The following ZNF516 variants were observed in gnomAD, a reference collection of about 807,000 sequenced individuals.
ZNF516 encodes the protein zinc finger protein 516.
ZNF516 carries 19 observed loss-of-function variants against 79.7 expected under a neutral mutation model. The ratio of observed to expected loss-of-function variants is 0.24; its 90% CI spans 0.17 to 0.35. The LOEUF (loss-of-function observed/expected upper bound fraction) is 0.35, where lower values mean the gene tolerates loss of function less well. Ranked by LOEUF, ZNF516 falls within the 10% of genes least tolerant of loss-of-function variation. The pLI is 1.00. For synonymous variants in ZNF516, 877 were observed against 739.5 expected (o/e 1.19, Z -3.02); for missense variants, 1,678 against 1,679.5 (o/e 1.00, Z 0.02).
chr18:76,490,291 G>C (rs1012555174), intron 1 of ZNF516: 6 of 686,572 alleles, frequency 8.7e-6, no homozygotes, highest in African/African-American at 1.9e-5. Context: ...TTTACTAAGG[G>C]GGGGCGAGGG....
intron 1 of ZNF516, among the ~76,000 whole-genome samples, chr18:76,479,698 G>A (rs1914387336): frequency 6.6e-6 from 1 of 152,250 alleles, no homozygotes; most frequent in Non-Finnish European, 1.5e-5. Flanking sequence ...CTGGGTGCAG[G>A]GAACATGGGA....
chr18:76,392,110 C>T (rs139471265), intron 3 of ZNF516, among the ~76,000 whole-genome samples: 5 of 152,336 alleles, frequency 3.3e-5, no homozygotes, highest in East Asian at 1.9e-4. Context: ...AGCGCAGACT[C>T]GGCCACTGGA....
intron 3 of ZNF516, among the ~76,000 whole-genome samples, chr18:76,431,685 T>TC (rs1307669872): frequency 1.3e-5 from 2 of 152,126 alleles, no homozygotes; most frequent in Non-Finnish European, 2.9e-5. Context: ...CGTGGCACCT[T>TC]CCCTTCTCTC....
At chr18:76,363,603 A>G (rs183503960) in intron 6 of ZNF516, among the ~76,000 whole-genome samples, 220 of 152,354 alleles carry the variant, frequency 1.4e-3, no homozygotes, top group African/African-American at 5.0e-3. Context: ...TGTAGGAAAC[A>G]GTAATGGAAT....
At chr18:76,455,515 A>G (rs1235015712) in intron 2 of ZNF516, among the ~76,000 whole-genome samples, 1 of 152,212 alleles carries the variant, frequency 6.6e-6, no homozygotes, top group Non-Finnish European at 1.5e-5. Context: ...AGGCCCACCT[A>G]GGCCTCCCTG....
At chr18:76,471,204 G>A (rs192079164) in intron 1 of ZNF516, among the ~76,000 whole-genome samples, 16 of 151,324 alleles carry the variant, frequency 1.1e-4, no homozygotes, top group African/African-American at 3.6e-4. Context: ...TGGCATATCC[G>A]TTCAGATGAT....
intron 3 of ZNF516, among the ~76,000 whole-genome samples, chr18:76,415,065 G>A (rs889518025): frequency 6.6e-6 from 1 of 152,150 alleles, no homozygotes; most frequent in South Asian, 2.1e-4. Flanking sequence ...AAGTGTAGTG[G>A]TACATGCCTG....
intron 3 of ZNF516, among the ~76,000 whole-genome samples, chr18:76,405,446 C>T (rs530876086): frequency 3.3e-5 from 5 of 152,240 alleles, no homozygotes; most frequent in Middle Eastern, 6.8e-3. Flanking sequence ...GCGTGGGCAA[C>T]GGCAGGAGAC....
intron 3 of ZNF516, among the ~76,000 whole-genome samples, chr18:76,384,873 G>A (rs746794831): frequency 2.0e-5 from 3 of 152,192 alleles, no homozygotes; most frequent in Non-Finnish European, 2.9e-5. Flanking sequence ...GAAAGAGAAC[G>A]GTGCTGATTT....
intron 3 of ZNF516, among the ~76,000 whole-genome samples, chr18:76,429,236 G>A (rs1047180205): frequency 7.9e-5 from 12 of 152,334 alleles, no homozygotes; most frequent in African/African-American, 2.9e-4. Context: ...AAGGGCCTGA[G>A]GGTCCCAGGA....
Position 76,452,171 on chromosome 18 carries a change from G to A in ZNF516, c.-157-8960C>T, listed in dbSNP as rs187463436. On this transcript the variant is annotated intron_variant, in intron 2 of 6. Transcript: ENST00000443185. ...AACGCCACTATCCCAGGGAGCAGCC[G>A]CCAGCAGCAACGCGGCCCCCTGACC... Among the ~76,000 whole-genome samples the A allele has an allele frequency of 1.5e-4, 23 of 152,320 alleles. No homozygotes were observed. The South Asian group carries it at 2.1e-3, about 14-fold the overall frequency.
intron 2 of ZNF516, among the ~76,000 whole-genome samples, chr18:76,448,223 G>A (rs1912179804): frequency 6.6e-6 from 1 of 151,936 alleles, no homozygotes; most frequent in Non-Finnish European, 1.5e-5. Context: ...CCATACCTTT[G>A]GATATTTTTC....
chr18:76,370,414 A>T, intron 6 of ZNF516, 114 bp downstream of exon 6: 1 of 999,138 alleles, frequency 1.0e-6, no homozygotes, highest in Non-Finnish European at 1.4e-6. Flanking sequence ...AGGATTATTT[A>T]CACATCTAGT....
chr18:76,460,116 G>A (rs192984625), intron 2 of ZNF516, among the ~76,000 whole-genome samples: 21 of 152,312 alleles, frequency 1.4e-4, no homozygotes, highest in Admixed American at 6.5e-4. Flanking sequence ...AGCAAGGGGC[G>A]ACACTCACCC....
chr18:76,428,290 G>A (rs1157065952), intron 3 of ZNF516, among the ~76,000 whole-genome samples: 2 of 151,712 alleles, frequency 1.3e-5, no homozygotes, highest in East Asian at 1.9e-4. Flanking sequence ...CTAATTGGGA[G>A]GCTGAGGCAG....
rs1915366721 is a variant in ZNF516, at chr18:76,493,840, A to C, written c.-272+1304T>G. On this transcript the variant is annotated intron_variant, in intron 1 of 6. Coordinates refer to ENST00000443185, the MANE Select transcript of ZNF516 (RefSeq NM_014643.4). This position sits in a 1 kb window ranked among gnomAD's most constrained non-coding sequence, Gnocchi z 5.2. ...GTTACACCAGTCGCCTTTTCAAAAA[A>C]TGTAAACCAACAATGCAGCAGCAAA... is the stretch of plus-strand genomic sequence containing the variant. 6.6e-6 allele frequency: 1 copy of C among 152,260 alleles called. No individual in the cohort carries two copies. The highest frequency in any genetic ancestry group is 1.5e-5 in the Non-Finnish European group (1 of 68,064). 9.4% of individuals were successfully genotyped at this position (152,260 alleles called of 1,614,324 possible).
rs373499364 is a variant in ZNF516, at chr18:76,379,024, G to A, written c.3090C>T (p.Pro1030=). 7.0e-5 allele frequency: 113 copies of A among 1,604,278 alleles called. No homozygotes were observed. The highest frequency in any genetic ancestry group is 6.2e-4 in the South Asian group (56 of 90,214). ...SRGDAALQAQ[P]GVAGAPPVLH... The stretch of plus-strand genomic sequence containing the variant: ...GGACGGGGGGCGCCCCAGCCACGCC[G>A]GGCTGGGCCTGCAAGGCCGCGTCGC... Residue 1030 remains proline (P), a synonymous_variant, in exon 4 of 7, where the codon CCC becomes CCT. Coordinates refer to ENST00000443185, the MANE Select transcript of ZNF516 (RefSeq NM_014643.4).
At chr18:76,440,697 AGTC>A (rs1321166812) in intron 3 of ZNF516, among the ~76,000 whole-genome samples, 1 of 152,044 alleles carries the variant, frequency 6.6e-6, no homozygotes, top group Non-Finnish European at 1.5e-5. Context: ...ATTTGAAGAT[AGTC>A]TTCTACCCAG....
chr18:76,458,130 AG>A (rs1331230293), intron 2 of ZNF516, among the ~76,000 whole-genome samples: 1 of 152,246 alleles, frequency 6.6e-6, no homozygotes, highest in East Asian at 1.9e-4. Flanking sequence ...GTGCCACGGT[AG>A]GTCCTCAGTT....
Sources: gnomAD v4.1 joint callset for allele counts (sites outside exome capture counted in the v4.1 genomes callset) on GRCh38, gnomAD v4.1.1 for gene constraint, Gnocchi (gnomAD v3.1) non-coding constraint, MANE v1.5 for transcripts, NCBI Gene and HGNC (gene_info 2026-07-23, HGNC 2026-07-21) for gene names.